VRK2: variants seen among roughly 807,000 people sequenced by gnomAD.
VRK2 encodes the protein serine/threonine-protein kinase VRK2.
Under a neutral mutation model 57.6 loss-of-function variants are expected in VRK2, and 60 were observed. That is an observed-to-expected ratio of 1.04 (90% CI 0.85 to 1.29). VRK2 has a LOEUF of 1.29. Among genes scored for constraint, VRK2 ranks in the 50% most tolerant of loss-of-function variants. The pLI is 0.00. For synonymous variants in VRK2, 231 were observed against 199.2 expected, an observed-to-expected ratio of 1.16 and a Z score of -1.35; for missense variants, 705 against 588.1, an observed-to-expected ratio of 1.20 and a Z score of -2.06.
At chr2:58,050,496 AT>A (rs1333231359) in intron 2 of VRK2, among the ~76,000 whole-genome samples, 2 of 152,188 alleles carry the variant, frequency 1.3e-5, no homozygotes, top group Non-Finnish European at 2.9e-5. Context: ...TGAATAAATT[AT>A]TTCTGATGTG....
chr2:58,082,894 A>G (rs1671091627), intron 2 of VRK2, among the ~76,000 whole-genome samples: 1 of 151,782 alleles, frequency 6.6e-6, no homozygotes, highest in African/African-American at 2.4e-5. Flanking sequence ...ATTGTGTATG[A>G]TTGGCTCAAC....
At chr2:57,917,742 G>A (rs1019104971) in intron 1 of VRK2, among the ~76,000 whole-genome samples, 2 of 151,608 alleles carry the variant, frequency 1.3e-5, no homozygotes, top group African/African-American at 4.8e-5. Flanking sequence ...TACTTTAATG[G>A]TTAAGAGAGG....
chr2:58,117,797 G>A (rs1315915372), intron 7 of VRK2, among the ~76,000 whole-genome samples: 2 of 152,142 alleles, frequency 1.3e-5, no homozygotes, highest in East Asian at 3.9e-4. Context: ...GTCAGTGAAA[G>A]TTGGAGAGGT....
Position 58,069,772 on chromosome 2 carries a change from C to T in VRK2, c.137-14317C>T, listed in dbSNP as rs562597477. On this transcript the variant is annotated intron_variant, in intron 2 of 12. Coordinates refer to ENST00000340157, the MANE Select transcript of VRK2 (RefSeq NM_006296.7). Reference sequence around the variant, plus strand: ...GAATAATGACATTTTCTGCACTCTCCGACTTAGGATATTCATTTCCTACTC... The same window carrying T: ...GAATAATGACATTTTCTGCACTCTCTGACTTAGGATATTCATTTCCTACTC... Among the ~76,000 whole-genome samples the T allele has an allele frequency of 8.5e-5, 13 of 152,194 alleles. No homozygotes were observed. The East Asian group carries it at 1.9e-3, about 23-fold the overall frequency.
intron 1 of VRK2, among the ~76,000 whole-genome samples, chr2:57,926,373 A>C (rs1171632317): frequency 6.6e-6 from 1 of 150,882 alleles, no homozygotes; most frequent in African/African-American, 2.4e-5. Flanking sequence ...AGCCTTAATA[A>C]TATTTGCTTT....
chr2:58,081,170 T>C (rs1015363054), intron 2 of VRK2, among the ~76,000 whole-genome samples: 3 of 152,016 alleles, frequency 2.0e-5, no homozygotes, highest in African/African-American at 7.2e-5. Context: ...ATTTTTCTTC[T>C]CAGTGCCAAA....
chr2:57,917,823 T>C (rs1670206931), intron 1 of VRK2, among the ~76,000 whole-genome samples: 1 of 152,054 alleles, frequency 6.6e-6, no homozygotes, highest in Non-Finnish European at 1.5e-5. Context: ...AATATAAAGA[T>C]CTTTCATATG....
At chr2:57,916,027 C>A (rs1371119908) in intron 1 of VRK2, among the ~76,000 whole-genome samples, 1 of 152,106 alleles carries the variant, frequency 6.6e-6, no homozygotes, top group South Asian at 2.1e-4. Flanking sequence ...TGAAATTGGT[C>A]CCTGGTGCCA....
intron 1 of VRK2, among the ~76,000 whole-genome samples, chr2:57,982,451 C>A (rs1247055474): frequency 6.6e-6 from 1 of 152,206 alleles, no homozygotes; most frequent in African/African-American, 2.4e-5. Context: ...TAGGCAGGTG[C>A]ACACCAGCAG....
intron 1 of VRK2, among the ~76,000 whole-genome samples, chr2:57,932,399 A>G (rs1198898087): frequency 6.6e-6 from 1 of 152,026 alleles, no homozygotes; most frequent in Non-Finnish European, 1.5e-5. Context: ...TTCAGATTTC[A>G]CCTTTTTAAA....
intron 1 of VRK2, among the ~76,000 whole-genome samples, chr2:57,928,767 G>A (rs1324085383): frequency 6.6e-6 from 1 of 152,144 alleles, no homozygotes; most frequent in Non-Finnish European, 1.5e-5. Context: ...TGCATCAGGT[G>A]GCATCCAAAG....
intron 3 of VRK2, among the ~76,000 whole-genome samples, chr2:58,041,516 T>C (rs776149282): frequency 6.6e-6 from 1 of 152,132 alleles, no homozygotes; most frequent in Non-Finnish European, 1.5e-5. Flanking sequence ...GACAGACTTT[T>C]TGTAGCAATA....
chr2:58,008,529 G>A (rs1053840737), intron 1 of VRK2, among the ~76,000 whole-genome samples: 2 of 151,466 alleles, frequency 1.3e-5, no homozygotes, highest in Non-Finnish European at 2.9e-5. Flanking sequence ...GTGAAGGAAG[G>A]AAGAAAAGAA....
intron 1 of VRK2, among the ~76,000 whole-genome samples, chr2:58,004,469 T>C (rs560705107): frequency 1.3e-5 from 2 of 152,306 alleles, no homozygotes; most frequent in East Asian, 3.9e-4. Context: ...ATTGCAATGA[T>C]TTTAGCCTGT....
downstream of VRK2, chr2:58,159,898 C>CA: frequency 2.6e-6 from 4 of 1,562,408 alleles, no homozygotes; most frequent in Non-Finnish European, 3.5e-6. Flanking sequence ...TGTCATAGTA[C>CA]AGTTTGGAAA....
In VRK2 at chr2:58,131,663, T is replaced by G. The variant is rs1679207226; in HGVS notation, c.677-145T>G. The G allele has an allele frequency of 4.8e-6, 5 of 1,045,116 alleles. No individual in the cohort carries two copies. In the South Asian group the frequency reaches 7.7e-5, roughly 16 times the overall value. The allele number at this position is 1,045,116 out of a possible 1,614,324, so 64.7% of individuals were successfully genotyped here. Reference sequence around the variant, plus strand: ...GGACTGGGGCCAAATGCTTGGGCGTTTAAGTTTTATTCCAGCTGAACAAAT... The same window carrying G: ...GGACTGGGGCCAAATGCTTGGGCGTGTAAGTTTTATTCCAGCTGAACAAAT... On this transcript the variant is annotated intron_variant, in intron 8 of 12. Transcript: ENST00000340157.
intron 2 of VRK2, among the ~76,000 whole-genome samples, chr2:58,032,691 T>C (rs1674153475): frequency 6.6e-6 from 1 of 152,118 alleles, no homozygotes; most frequent in Non-Finnish European, 1.5e-5. Context: ...TCCCTTAGGA[T>C]AGGATAGAAT....
intron 2 of VRK2, among the ~76,000 whole-genome samples, chr2:58,056,852 A>T (rs1055155635): frequency 6.6e-6 from 1 of 152,144 alleles, no homozygotes; most frequent in African/African-American, 2.4e-5. Flanking sequence ...CAGAATACCT[A>T]GACTTGGTAG....
At chr2:58,015,571 T>G (rs1449437473) in intron 1 of VRK2, among the ~76,000 whole-genome samples, 2 of 152,240 alleles carry the variant, frequency 1.3e-5, no homozygotes, top group African/African-American at 4.8e-5. Context: ...ATCTTCCCTT[T>G]CAAGAACTCT....
Sources: allele counts gnomAD v4.1 joint callset (sites outside exome capture counted in the v4.1 genomes callset), GRCh38; gene constraint gnomAD v4.1.1; transcripts MANE v1.5; gene names NCBI Gene and HGNC (gene_info 2026-07-23, HGNC 2026-07-21).